Variants in GRID1 observed in about 807,000 individuals in gnomAD.
GRID1 encodes glutamate ionotropic receptor delta type subunit 1.
In GRID1, 28 loss-of-function variants were observed where a neutral mutation model predicts 98.0. That is an observed-to-expected ratio of 0.29 (90% CI 0.21 to 0.39). The LOEUF is 0.39. Ranked by LOEUF, GRID1 falls within the 10% of genes least tolerant of loss-of-function variation. The pLI is 1.00. For synonymous variants in GRID1, 553 were observed against 538.5 expected (o/e 1.03, Z -0.37); for missense variants, 1,111 against 1,340.5 (o/e 0.83, Z 2.67).
chr10:86,354,091 G>A (rs1018547658), intron 2 of GRID1, among the ~76,000 whole-genome samples: 5 of 152,222 alleles, frequency 3.3e-5, no homozygotes, highest in South Asian at 2.1e-4. Flanking sequence ...GGCCAGGAGC[G>A]GACCCATGGC....
At chr10:85,844,420 TACACACACACACACACACACACACACAC>T (rs55706189) in intron 8 of GRID1, among the ~76,000 whole-genome samples, 7 of 133,740 alleles carry the variant, frequency 5.2e-5, no homozygotes, top group Admixed American at 5.2e-4. Flanking sequence ...TACAACTAAA[TACACACACACACACACACACACACACAC>T]ACACACACAC....
chr10:85,746,298 G>C (rs1219292017), intron 8 of GRID1, among the ~76,000 whole-genome samples: 3 of 152,098 alleles, frequency 2.0e-5, no homozygotes, highest in Non-Finnish European at 2.9e-5. Flanking sequence ...GGAGTTGAGA[G>C]TATTTTTTCC....
chr10:86,021,796 A>T (rs1843052988), intron 4 of GRID1, among the ~76,000 whole-genome samples: 1 of 152,140 alleles, frequency 6.6e-6, no homozygotes, highest in African/African-American at 2.4e-5. Flanking sequence ...CCCTGGAGCC[A>T]TCGGCTTCTC....
rs183440056 is a variant in GRID1, at chr10:85,870,287, C to T, written c.781-1107G>A. On this transcript the variant is annotated intron_variant, in intron 5 of 15. Transcript: ENST00000327946. ...GCCTGTGAACATCAGACTCCAAGTT[C>T]TTCAGCTTTTGGACTCTTGTACTTA... 5.9e-3 allele frequency among the ~76,000 whole-genome samples: 904 copies of T among 152,342 alleles called. 4 individuals carry two copies. The highest frequency in any genetic ancestry group is 0.023 in the South Asian group (109 of 4,828).
intron 3 of GRID1, among the ~76,000 whole-genome samples, chr10:86,176,567 C>G (rs975778313): frequency 1.3e-5 from 2 of 152,148 alleles, no homozygotes; most frequent in Admixed American, 1.3e-4. Flanking sequence ...AGGAGATGAT[C>G]GTGCAAAAGA....
rs768799842 is a variant in GRID1, at chr10:86,206,626, C to A, written c.258G>T (p.Gly86=). Residue 86 remains glycine, a synonymous_variant, in exon 3 of 16, where the codon GGG becomes GGT. Coordinates refer to ENST00000327946, the MANE Select transcript of GRID1 (RefSeq NM_017551.3). The surrounding 1 kb of genome is among the most constrained non-coding windows in gnomAD (Gnocchi z 4.1). ...CAGTGGACGTGACCAAGGCCAAAAT[C>A]CCCTGGGTCATGAGGTCACAGGCTA... ...VQEACDLMTQ[G]ILALVTSTGC... 1.9e-6 allele frequency: 3 copies of A among 1,613,584 alleles called. No homozygotes were observed. Among genetic ancestry groups the A allele is most frequent in the Non-Finnish European group, 2.5e-6 (3 of 1,179,672 alleles).
At chr10:85,947,693 C>G (rs922078652) in intron 4 of GRID1, among the ~76,000 whole-genome samples, 4 of 152,158 alleles carry the variant, frequency 2.6e-5, no homozygotes, top group Non-Finnish European at 5.9e-5. Flanking sequence ...AGAAGACCAC[C>G]AAATCTGCTG....
At chr10:85,920,187 C>T (rs980005015) in intron 4 of GRID1, among the ~76,000 whole-genome samples, 2 of 151,998 alleles carry the variant, frequency 1.3e-5, no homozygotes, top group Admixed American at 6.6e-5. Flanking sequence ...TTTTAAGTCC[C>T]CATAATTTTT....
intron 2 of GRID1, among the ~76,000 whole-genome samples, chr10:86,303,805 A>C (rs558371933): frequency 1.3e-3 from 192 of 152,340 alleles, no homozygotes; most frequent in Non-Finnish European, 1.8e-3. Context: ...TGTCAGCAGG[A>C]GACGCCAGCA....
At chr10:86,086,634 G>C (rs1192423413) in intron 4 of GRID1, among the ~76,000 whole-genome samples, 1 of 152,120 alleles carries the variant, frequency 6.6e-6, no homozygotes, top group Non-Finnish European at 1.5e-5. Context: ...GTGTGTGCAA[G>C]CATGTGTGTG....
chr10:85,752,002 G>A (rs1842050889), intron 8 of GRID1, among the ~76,000 whole-genome samples: 1 of 152,160 alleles, frequency 6.6e-6, no homozygotes, highest in South Asian at 2.1e-4. Context: ...TGACTAGTCA[G>A]GTTAGAGCCA....
rs1845389898 is a variant in GRID1, at chr10:86,165,785, AG to A, written c.521-26762del. ...AGGAGGTGCTCAGGGGAGGAAACCA[AG>A]GGAAGCTTCTGTTTAGGGCAAGACG... is the stretch of plus-strand genomic sequence containing the variant. On this transcript the variant is annotated intron_variant, in intron 3 of 15. Transcript: ENST00000327946. Among the ~76,000 whole-genome samples the A allele has an allele frequency of 3.9e-5, 6 of 152,196 alleles. 1 individual carries two copies. The Middle Eastern group carries it at 0.017, about 431-fold the overall frequency.
In GRID1 at chr10:86,036,372, G is replaced by A. The variant is rs369654896; in HGVS notation, c.726+102447C>T. Among the ~76,000 whole-genome samples, 23 of 152,212 alleles carry A rather than the reference G, an allele frequency of 1.5e-4. No homozygotes were observed. In the East Asian group the frequency reaches 2.1e-3, roughly 14 times the overall value. ...TCCTTCTAAATGTCCTGACAAAATC[G>A]AGCTTTGAGGCTATCAGTCCAAATG... On this transcript the variant is annotated intron_variant, in intron 4 of 15. Coordinates refer to ENST00000327946, the MANE Select transcript of GRID1 (RefSeq NM_017551.3).
intron 3 of GRID1, among the ~76,000 whole-genome samples, chr10:86,139,814 G>C (rs1193399254): frequency 6.6e-6 from 1 of 152,228 alleles, no homozygotes; most frequent in South Asian, 2.1e-4. Context: ...GATTCAACAA[G>C]AAGGGACCTG....
intron 8 of GRID1, among the ~76,000 whole-genome samples, chr10:85,769,398 A>G (rs4934132): frequency 0.69 from 104,622 of 152,118 alleles, 36,198 homozygotes; most frequent in East Asian, 0.87. Flanking sequence ...CGTGAGCGAC[A>G]CAGAAGACGG....
chr10:85,957,665 C>T (rs1240534026), intron 4 of GRID1, among the ~76,000 whole-genome samples: 1 of 152,212 alleles, frequency 6.6e-6, no homozygotes. Flanking sequence ...TGCAGCCCAT[C>T]TAGAACACCC....
intron 8 of GRID1, among the ~76,000 whole-genome samples, chr10:85,731,948 G>A (rs186252759): frequency 6.8e-6 from 1 of 146,830 alleles, no homozygotes; most frequent in Non-Finnish European, 1.5e-5. Flanking sequence ...GGGAAGGGAA[G>A]GGAAAGGAAA....
chr10:86,327,085 G>A (rs1196771125), intron 2 of GRID1, among the ~76,000 whole-genome samples: 10 of 152,166 alleles, frequency 6.6e-5, no homozygotes, highest in Admixed American at 4.6e-4. Flanking sequence ...GCAGTGAGCC[G>A]AGATTGCACC....
At chr10:85,795,272 C>T (rs1345777353) in intron 8 of GRID1, among the ~76,000 whole-genome samples, 1 of 152,162 alleles carries the variant, frequency 6.6e-6, no homozygotes, top group Non-Finnish European at 1.5e-5. Flanking sequence ...TAGTACATAG[C>T]AATTCCTCTA....
Sources: allele counts gnomAD v4.1 joint callset (sites outside exome capture counted in the v4.1 genomes callset), GRCh38; gene constraint gnomAD v4.1.1; non-coding constraint Gnocchi (gnomAD v3.1); transcripts MANE v1.5; gene names NCBI Gene and HGNC (gene_info 2026-07-23, HGNC 2026-07-21).